KAZALD1: variants seen among roughly 807,000 people sequenced by gnomAD.
KAZALD1 encodes the protein Kazal type serine peptidase inhibitor domain 1, also known as kazal-type serine protease inhibitor domain-containing protein 1.
Under a neutral mutation model 27.7 loss-of-function variants are expected in KAZALD1, and 31 were observed. That is an observed-to-expected ratio of 1.12 (90% CI 0.84 to 1.51). The LOEUF is 1.51. Among genes scored for constraint, KAZALD1 ranks in the 40% most tolerant of loss-of-function variants. The probability of loss-of-function intolerance (pLI) is 0.00; values close to 1 mark genes in which losing one functional copy is unlikely to be tolerated. For synonymous variants in KAZALD1, 179 were observed against 182.0 expected (o/e 0.98, Z 0.13); for missense variants, 444 against 408.9 (o/e 1.09, Z -0.74).
At chr10:101,067,490 C>G, downstream of KAZALD1, 1 of 364,460 alleles carries the variant, frequency 2.7e-6, no homozygotes, top group Non-Finnish European at 5.5e-6. Context: ...AGGTCTCGGC[C>G]GGGCTCTTCT....
At chr10:101,062,164 C>G in intron 1 of KAZALD1, 49 bp downstream of exon 1, 1 of 200,022 alleles carries the variant, frequency 5.0e-6, no homozygotes, top group Non-Finnish European at 1.0e-5. Context: ...TCAGCCCCCC[C>G]AGTTCTCACC....
In KAZALD1 at chr10:101,066,090, C is replaced by T. The variant is rs1350488102; in HGVS notation, c.*1170C>T. 6.6e-6 allele frequency among the ~76,000 whole-genome samples: 1 copy of T among 152,262 alleles called. No individual in the cohort carries two copies. Reference sequence around the variant, plus strand: ...CTTGGGGTCCCCAAATCTCTTTCCTCATTCTCCTTACCTATCCCAGGGACA... The same window carrying T: ...CTTGGGGTCCCCAAATCTCTTTCCTTATTCTCCTTACCTATCCCAGGGACA... On this transcript the variant is annotated 3_prime_UTR_variant, in exon 5 of 5. Coordinates refer to ENST00000370200, the MANE Select transcript of KAZALD1 (RefSeq NM_030929.5).
In KAZALD1 at chr10:101,064,378, T is replaced by G. The variant is rs1939257807; in HGVS notation, c.629T>G (p.Leu210Trp). The change falls in exon 3 of 5, where the codon TTG becomes TGG. Residue 210 changes from leucine to tryptophan, a missense_variant. Coordinates refer to ENST00000370200, the MANE Select transcript of KAZALD1 (RefSeq NM_030929.5). ...MASIEWRKDG[L>W]DIQLPGDDPH... ...TCCATCGAGTGGAGGAAGGATGGCTTGGACATCCAGCTGCCAGGGGATGAC... is the reference window on the plus strand; with the variant it reads ...TCCATCGAGTGGAGGAAGGATGGCTGGGACATCCAGCTGCCAGGGGATGAC... 5 of 1,614,198 alleles carry G rather than the reference T, an allele frequency of 3.1e-6. No individual in the cohort carries two copies. Among genetic ancestry groups the G allele is most frequent in the Non-Finnish European group, 4.2e-6 (5 of 1,180,028 alleles).
chr10:101,064,414 C>T lies in KAZALD1; in HGVS notation c.665C>T (p.Ser222Phe). The change falls in exon 3 of 5, where the codon TCT (serine) becomes TTT (phenylalanine). Residue 222 changes from serine (S) to phenylalanine (F), a missense_variant. Coordinates refer to ENST00000370200, the MANE Select transcript of KAZALD1 (RefSeq NM_030929.5). ...IQLPGDDPHISVQFRGGPQRF... is the reference protein window; with the variant it reads ...IQLPGDDPHIFVQFRGGPQRF... Reference sequence around the variant, plus strand: ...CTGCCAGGGGATGACCCCCACATCTCTGTGCAGGTAGACTGGTGGGAGAGG... The same window carrying T: ...CTGCCAGGGGATGACCCCCACATCTTTGTGCAGGTAGACTGGTGGGAGAGG... The T allele has an allele frequency of 6.2e-7, 1 of 1,614,202 alleles. No homozygotes were observed. Among genetic ancestry groups the T allele is most frequent in the Non-Finnish European group, 8.5e-7 (1 of 1,180,034 alleles).
At position 101,064,532 on chromosome 10, in the gene KAZALD1, C is replaced by T; in HGVS notation, c.704C>T (p.Thr235Ile). 4 of 1,613,662 alleles carry T rather than the reference C, an allele frequency of 2.5e-6. No individual in the cohort carries two copies. The highest frequency in any genetic ancestry group is 3.4e-6 in the Non-Finnish European group (4 of 1,179,792). ...FRGGPQRFEV[T>I]GWLQIQAVRP... The stretch of plus-strand genomic sequence containing the variant: ...GGTGGACCCCAGAGGTTTGAGGTGA[C>T]TGGCTGGCTGCAGATCCAGGCTGTG... Residue 235 changes from threonine to isoleucine, a missense_variant, in exon 4 of 5, where the codon ACT (threonine) becomes ATT (isoleucine). Coordinates refer to ENST00000370200, the MANE Select transcript of KAZALD1 (RefSeq NM_030929.5).
rs1164374950 is a variant in KAZALD1 at position 101,064,836 on chromosome 10, C to T, written c.831C>T (p.Asn277=). The change falls in exon 5 of 5, where the codon AAC becomes AAT. Residue 277 remains asparagine (N), a synonymous_variant. Coordinates refer to ENST00000370200, the MANE Select transcript of KAZALD1 (RefSeq NM_030929.5). ...SLTVLTPDQL[N]STGIPQLRSL... The stretch of plus-strand genomic sequence containing the variant: ...CATGTGTGTTTGCAGACCAGCTGAA[C>T]TCTACAGGCATCCCCCAGCTGCGAT... 2 of 1,614,128 alleles carry T rather than the reference C, an allele frequency of 1.2e-6. No homozygotes were observed. Among genetic ancestry groups the T allele is most frequent in the South Asian group, 1.1e-5 (1 of 91,076 alleles).
chr10:101,063,233 A>G (rs1376391962), intron 2 of KAZALD1, 130 bp downstream of exon 2: 3 of 768,164 alleles, frequency 3.9e-6, no homozygotes, highest in South Asian at 2.1e-5. Flanking sequence ...CGAGTCCAGT[A>G]TAAAACCCTG....
At position 101,065,401 on chromosome 10, in the gene KAZALD1, C is replaced by T. The variant is rs1939293699; in HGVS notation, c.*481C>T. 1 of 177,840 alleles carries T rather than the reference C, an allele frequency of 5.6e-6. No individual in the cohort carries two copies. Among genetic ancestry groups the T allele is most frequent in the Non-Finnish European group, 1.2e-5 (1 of 82,640 alleles). The allele number at this position is 177,840 out of a possible 1,614,324, so 11.0% of individuals were successfully genotyped here. A position where few individuals can be genotyped will look rare whatever the true frequency, so the allele number is the denominator to read the frequency against. ...CCAGAACTTTTCCCTCTCTCCTAAG[C>T]CCCAGTTGCACCTACTAACTGCAGT... On this transcript the variant is annotated 3_prime_UTR_variant, in exon 5 of 5. Coordinates refer to ENST00000370200, the MANE Select transcript of KAZALD1 (RefSeq NM_030929.5).
chr10:101,062,677 G>C lies in KAZALD1; in HGVS notation c.85G>C (p.Gly29Arg). Residue 29 changes from glycine (G) to arginine (R), a missense_variant, in exon 2 of 5, where the codon GGC becomes CGC. Gly to Arg is a moderately radical substitution (Grantham distance 125, BLOSUM62 -2). Transcript: ENST00000370200. ...GGTGGTGCTGACGCCGCCCCCGACC[G>C]GCGCAAGGCCATCCCCAGGCCCAGA... ...LLVVLTPPPT[G>R]ARPSPGPDYL... 6.5e-7 allele frequency: 1 copy of C among 1,544,094 alleles called. No individual in the cohort carries two copies. The highest frequency in any genetic ancestry group is 8.7e-7 in the Non-Finnish European group (1 of 1,153,220).
In KAZALD1 at chr10:101,065,691, A is replaced by T. The variant is rs565716133; in HGVS notation, c.*771A>T. On this transcript the variant is annotated 3_prime_UTR_variant, in exon 5 of 5. Coordinates refer to ENST00000370200, the MANE Select transcript of KAZALD1 (RefSeq NM_030929.5). ...CAGAAGCTGCAGGGCCTGCTCTCTA[A>T]GCACATGCCTGCCAGATGTACAAAG... The T allele has an allele frequency of 1.3e-5, 2 of 152,420 alleles. No homozygotes were observed. The highest frequency in any genetic ancestry group is 3.9e-4 in the East Asian group (2 of 5,188). 9.4% of individuals were successfully genotyped at this position (152,420 alleles called of 1,614,324 possible).
chr10:101,063,096 C>A lies in KAZALD1; in HGVS notation c.504C>A (p.Cys168Ter), dbSNP rs1254713437. The A allele has an allele frequency of 3.2e-6, 5 of 1,548,758 alleles. No individual in the cohort carries two copies. Among genetic ancestry groups the A allele is most frequent in the Non-Finnish European group, 4.3e-6 (5 of 1,149,938 alleles). Reference sequence around the variant, plus strand: ...TCACTGTGGCACACCCGGGGCCCTGCGAATCGGGTACGCATGGCCCGGGGC... The same window carrying A: ...TCACTGTGGCACACCCGGGGCCCTGAGAATCGGGTACGCATGGCCCGGGGC... ...ANLTVAHPGP[C>*]ESGPQIVSHP... The change falls in exon 2 of 5, where the codon TGC becomes TGA. Residue 168 changes from cysteine (C) to a stop codon, truncating the protein, a stop_gained. Transcript: ENST00000370200. LOFTEE classifies it high-confidence loss of function.
At chr10:101,064,679 G>A in intron 4 of KAZALD1, 31 bp downstream of exon 4, 1 of 1,612,726 alleles carries the variant, frequency 6.2e-7, no homozygotes, top group African/African-American at 1.3e-5. Context: ...TGGGGGTTGG[G>A]GGGATGGTGC....
downstream of KAZALD1, chr10:101,068,110 G>GA: frequency 2.4e-6 from 1 of 424,134 alleles, no homozygotes; most frequent in Admixed American, 2.9e-5. Context: ...GGAAAAATCT[G>GA]AATAAAAAAA....
In KAZALD1 at chr10:101,066,554, C is replaced by T. The variant is rs1036291647; in HGVS notation, c.*1634C>T. ...ACAGAAGCAGAATCAGAGGGGTAGG[C>T]GGGGGTGGGGCGTGCTGTTCGGCGC... On this transcript the variant is annotated 3_prime_UTR_variant, in exon 5 of 5. Transcript: ENST00000370200. 16 of 305,476 alleles carry T rather than the reference C, an allele frequency of 5.2e-5. No individual in the cohort carries two copies. The highest frequency in any genetic ancestry group is 3.4e-4 in the African/African-American group (15 of 44,466). The allele number at this position is 305,476 out of a possible 1,614,324, so 18.9% of individuals were successfully genotyped here.
intron 2 of KAZALD1, among the ~76,000 whole-genome samples, chr10:101,063,891 T>C (rs1590099479): frequency 6.6e-6 from 1 of 152,146 alleles, no homozygotes; most frequent in African/African-American, 2.4e-5. Flanking sequence ...ATCTGGAAGG[T>C]TTTGATTACA....
In KAZALD1 at chr10:101,062,913, G is replaced by A. The variant is rs980091626; in HGVS notation, c.321G>A (p.Glu107=). 2 of 1,603,226 alleles carry A rather than the reference G, an allele frequency of 1.2e-6. No homozygotes were observed. The highest frequency in any genetic ancestry group is 1.7e-6 in the Non-Finnish European group (2 of 1,179,668). ...HFYGHCGEQL[E]CRLDTGGDLS... is the part of the protein sequence containing the mutation. ...ACGGGCACTGCGGCGAGCAGCTTGA[G>A]TGCCGGCTGGACACAGGCGGCGACC... Residue 107 remains glutamate, a synonymous_variant, in exon 2 of 5, where the codon GAG becomes GAA. Transcript: ENST00000370200.
Position 101,064,606 on chromosome 10 carries a change from G to T in KAZALD1, c.778G>T (p.Gly260Cys). The T allele has an allele frequency of 6.2e-7, 1 of 1,613,898 alleles. No individual in the cohort carries two copies. The highest frequency in any genetic ancestry group is 1.3e-5 in the African/African-American group (1 of 75,056). ...TYRCLGRNAL[G>C]QVEAPASLTV... ...CCGCTGCCTTGGCCGCAATGCCCTG[G>T]GTCAAGTGGAGGCCCCTGCTAGCTT... Residue 260 changes from glycine to cysteine, a missense_variant, in exon 4 of 5, where the codon GGT becomes TGT. Gly to Cys is a radical substitution (Grantham distance 159, BLOSUM62 -3). Transcript: ENST00000370200.
chr10:101,064,972 T>G lies in KAZALD1; in HGVS notation c.*52T>G. 1.5e-6 allele frequency: 2 copies of G among 1,342,870 alleles called. No individual in the cohort carries two copies. Among genetic ancestry groups the G allele is most frequent in the Non-Finnish European group, 2.1e-6 (2 of 936,332 alleles). 83.2% of individuals were successfully genotyped at this position (1,342,870 alleles called of 1,614,324 possible). Reference sequence around the variant, plus strand: ...GGTGAGCGGCTATAGTGTTCATCCCTGCTCTTGAAAAGACCTGGAAAGGGG... The same window carrying G: ...GGTGAGCGGCTATAGTGTTCATCCCGGCTCTTGAAAAGACCTGGAAAGGGG... On this transcript the variant is annotated 3_prime_UTR_variant, in exon 5 of 5. Transcript: ENST00000370200.
rs755919501 is a variant in KAZALD1, at chr10:101,062,833, G to A, written c.241G>A (p.Glu81Lys). The A allele has an allele frequency of 1.3e-6, 2 of 1,590,670 alleles. No individual in the cohort carries two copies. Among genetic ancestry groups the A allele is most frequent in the South Asian group, 1.1e-5 (1 of 90,078 alleles). ...RVRDACGCCWECANLEGQLCD... is the reference protein window; with the variant it reads ...RVRDACGCCWKCANLEGQLCD... The stretch of plus-strand genomic sequence containing the variant: ...GCGCGACGCGTGCGGCTGCTGCTGG[G>A]AATGCGCCAACCTCGAGGGCCAGCT... The change falls in exon 2 of 5, where the codon GAA becomes AAA. Residue 81 changes from glutamate to lysine, a missense_variant. Transcript: ENST00000370200.
Sources: allele counts gnomAD v4.1 joint callset (sites outside exome capture counted in the v4.1 genomes callset), GRCh38; gene constraint gnomAD v4.1.1; transcripts MANE v1.5; gene names NCBI Gene and HGNC (gene_info 2026-07-23, HGNC 2026-07-21).